The following NPLOC4 variants were observed in gnomAD, a reference collection of about 807,000 sequenced individuals.
The protein encoded by NPLOC4 is nuclear protein localization protein 4 homolog.
A neutral mutation model predicts 80.6 loss-of-function variants in NPLOC4; 18 were observed. That is an observed-to-expected ratio of 0.22 (90% CI 0.15 to 0.33). The LOEUF is 0.33. Among genes scored for constraint, NPLOC4 ranks in the 10% least tolerant of loss-of-function variants. NPLOC4 has a pLI of 1.00. For synonymous variants in NPLOC4, 313 were observed against 301.5 expected, an observed-to-expected ratio of 1.04 and a Z score of -0.39; for missense variants, 540 against 786.1, an observed-to-expected ratio of 0.69 and a Z score of 3.74.
intron 1 of NPLOC4, among the ~76,000 whole-genome samples, chr17:81,634,513 G>C (rs1015536987): frequency 6.6e-6 from 1 of 151,286 alleles, no homozygotes; most frequent in Non-Finnish European, 1.5e-5. Context: ...TCAGTTAAAA[G>C]TACAAAGGTA....
intron 9 of NPLOC4, among the ~76,000 whole-genome samples, chr17:81,599,290 A>G (rs1164700393): frequency 2.0e-5 from 3 of 151,062 alleles, no homozygotes; most frequent in African/African-American, 7.3e-5. Context: ...CTCCTCAAAA[A>G]AAAAAAATAA....
intron 8 of NPLOC4, 130 bp from the exon 9 acceptor site, chr17:81,600,557 A>G: frequency 1.5e-6 from 1 of 678,336 alleles, no homozygotes; most frequent in Non-Finnish European, 2.6e-6. Context: ...GGAGAACTAT[A>G]GCCACAGATA....
At chr17:81,582,934 C>G (rs1282533580) in intron 12 of NPLOC4, among the ~76,000 whole-genome samples, 1 of 152,264 alleles carries the variant, frequency 6.6e-6, no homozygotes, top group Non-Finnish European at 1.5e-5. Context: ...AAGAAACACA[C>G]AAAAACCCAA....
chr17:81,620,613 G>A (rs1326759028), intron 3 of NPLOC4, among the ~76,000 whole-genome samples: 4 of 152,162 alleles, frequency 2.6e-5, no homozygotes, highest in African/African-American at 9.7e-5. Context: ...TGACACATAA[G>A]GTTCATCCAT....
chr17:81,561,465 T>C (rs1454211312), intron 16 of NPLOC4, among the ~76,000 whole-genome samples: 1 of 152,262 alleles, frequency 6.6e-6, no homozygotes, highest in African/African-American at 2.4e-5. Context: ...GATAAATTTA[T>C]TTATCAATTT....
chr17:81,599,285 C>CA lies in NPLOC4; in HGVS notation c.921+1055dup, dbSNP rs10534151. Among the ~76,000 whole-genome samples, 230 of 141,576 alleles carry CA rather than the reference C, an allele frequency of 1.6e-3. 5 individuals carry two copies. In the East Asian group the frequency reaches 0.023, roughly 14 times the overall value. The allele number at this position is 141,576 out of a possible 152,430, so 92.9% of individuals were successfully genotyped here. ...GCCTGGGTGAAAGAGCAAGACTCCT[C>CA]AAAAAAAAAAAATAAAATAAAATAA... On this transcript the variant is annotated intron_variant, in intron 9 of 16. Transcript: ENST00000331134.
At chr17:81,591,807 G>A (rs1598642426) in intron 11 of NPLOC4, among the ~76,000 whole-genome samples, 1 of 152,222 alleles carries the variant, frequency 6.6e-6, no homozygotes, top group African/African-American at 2.4e-5. Flanking sequence ...GGCCTACAAA[G>A]AGGCAGTGAC....
At chr17:81,591,748 C>T (rs182516055) in intron 11 of NPLOC4, among the ~76,000 whole-genome samples, 5 of 152,172 alleles carry the variant, frequency 3.3e-5, no homozygotes, top group Admixed American at 2.6e-4. Flanking sequence ...ACTATCATTC[C>T]CTTCACAAAT....
At chr17:81,611,850 C>T (rs1460198366) in intron 4 of NPLOC4, among the ~76,000 whole-genome samples, 1 of 150,400 alleles carries the variant, frequency 6.6e-6, no homozygotes, top group Non-Finnish European at 1.5e-5. Flanking sequence ...GTCCCAGCTA[C>T]TTGGGAGGCT....
chr17:81,633,462 G>A (rs955566666), intron 1 of NPLOC4, among the ~76,000 whole-genome samples: 1 of 152,206 alleles, frequency 6.6e-6, no homozygotes, highest in African/African-American at 2.4e-5. Flanking sequence ...CACAGAAGAT[G>A]GGAGTCCAGG....
At chr17:81,611,811 T>A (rs1007767935) in intron 4 of NPLOC4, among the ~76,000 whole-genome samples, 2 of 151,224 alleles carry the variant, frequency 1.3e-5, no homozygotes, top group African/African-American at 4.9e-5. Context: ...TACAAAAAAA[T>A]TAGCCAGGCG....
chr17:81,607,790 G>A (rs1296377709), intron 6 of NPLOC4, among the ~76,000 whole-genome samples: 1 of 152,186 alleles, frequency 6.6e-6, no homozygotes, highest in Non-Finnish European at 1.5e-5. Context: ...TGGGTTTCTA[G>A]CAGGTTTTTT....
intron 12 of NPLOC4, among the ~76,000 whole-genome samples, chr17:81,583,550 T>G (rs906910106): frequency 1.3e-5 from 2 of 152,068 alleles, no homozygotes; most frequent in African/African-American, 4.8e-5. Flanking sequence ...CAGAGATGAG[T>G]GAGGCTGGCT....
chr17:81,576,479 A>G (rs2034305079), intron 12 of NPLOC4, among the ~76,000 whole-genome samples: 1 of 152,168 alleles, frequency 6.6e-6, no homozygotes, highest in Non-Finnish European at 1.5e-5. Flanking sequence ...GTGCATGTGG[A>G]CTTGACTATA....
At chr17:81,610,719 G>A (rs1372876806) in intron 4 of NPLOC4, among the ~76,000 whole-genome samples, 1 of 34,868 alleles carries the variant, frequency 2.9e-5, no homozygotes, top group African/African-American at 6.9e-5. Flanking sequence ...TTGGGAGGCC[G>A]AGGCGGGTGG....
intron 11 of NPLOC4, among the ~76,000 whole-genome samples, chr17:81,590,694 A>G (rs996938365): frequency 6.6e-6 from 1 of 152,110 alleles, no homozygotes; most frequent in African/African-American, 2.4e-5. Flanking sequence ...CAATACCTCT[A>G]TTTCAGTTTC....
chr17:81,598,363 C>T (rs1211874425), intron 9 of NPLOC4, among the ~76,000 whole-genome samples: 1 of 152,128 alleles, frequency 6.6e-6, no homozygotes, highest in Non-Finnish European at 1.5e-5. Context: ...GCAAGAGACA[C>T]AGCAGTGAGT....
intron 8 of NPLOC4, among the ~76,000 whole-genome samples, chr17:81,603,046 G>A (rs554941068): frequency 2.0e-3 from 302 of 151,288 alleles, no homozygotes; most frequent in African/African-American, 6.9e-3. Context: ...GTGCACGCCT[G>A]TAGTCCCAGA....
chr17:81,578,427 A>G (rs1383452573), intron 12 of NPLOC4, among the ~76,000 whole-genome samples: 3 of 152,142 alleles, frequency 2.0e-5, no homozygotes, highest in African/African-American at 7.2e-5. Flanking sequence ...CAGGCCTAAC[A>G]CCTGACCCAC....
Sources: gnomAD v4.1 joint callset for allele counts (sites outside exome capture counted in the v4.1 genomes callset) on GRCh38, gnomAD v4.1.1 for gene constraint, MANE v1.5 for transcripts, NCBI Gene and HGNC (gene_info 2026-07-23, HGNC 2026-07-21) for gene names.